The following PSPC1 variants were observed in gnomAD, a reference collection of about 807,000 sequenced individuals.
The protein encoded by PSPC1 is paraspeckle protein 1.
Under a neutral mutation model 51.6 loss-of-function variants are expected in PSPC1, and 14 were observed. The ratio of observed to expected loss-of-function variants is 0.27; its 90% CI spans 0.18 to 0.42. The LOEUF (loss-of-function observed/expected upper bound fraction) is 0.42, where lower values mean the gene tolerates loss of function less well. Among genes scored for constraint, PSPC1 ranks in the 10% least tolerant of loss-of-function variants. The pLI, the probability that PSPC1 is intolerant of heterozygous loss-of-function variation, is 1.00. For synonymous variants in PSPC1, 193 were observed against 231.9 expected, an observed-to-expected ratio of 0.83 and a Z score of 1.53; for missense variants, 406 against 701.1, an observed-to-expected ratio of 0.58 and a Z score of 4.75.
chr13:19,722,741 C>G (rs1246382412), intron 6 of PSPC1, among the ~76,000 whole-genome samples: 1 of 152,048 alleles, frequency 6.6e-6, no homozygotes, highest in Non-Finnish European at 1.5e-5. Flanking sequence ...TTGCCATGAG[C>G]TGAGATCGCG....
chr13:19,738,905 C>CAAAA (rs35177083), intron 5 of PSPC1, among the ~76,000 whole-genome samples: 1 of 112,056 alleles, frequency 8.9e-6, no homozygotes, highest in Non-Finnish European at 1.7e-5. Flanking sequence ...GACTCCATCT[C>CAAAA]AAAAAAAAAA....
chr13:19,719,703 T>C (rs1882538157), intron 6 of PSPC1, among the ~76,000 whole-genome samples: 1 of 152,246 alleles, frequency 6.6e-6, no homozygotes, highest in African/African-American at 2.4e-5. Flanking sequence ...TTCAACTGAA[T>C]GTGTAGCAAA....
intron 6 of PSPC1, among the ~76,000 whole-genome samples, chr13:19,727,166 G>C (rs527297468): frequency 6.6e-6 from 1 of 152,310 alleles, no homozygotes; most frequent in African/African-American, 2.4e-5. Flanking sequence ...AGCCAAGGCG[G>C]GCAGATCACC....
intron 6 of PSPC1, among the ~76,000 whole-genome samples, chr13:19,693,653 G>C (rs973215471): frequency 6.6e-6 from 1 of 152,136 alleles, no homozygotes; most frequent in Non-Finnish European, 1.5e-5. Context: ...GTTATGGATA[G>C]TATCAAGGTG....
chr13:19,697,736 T>C (rs1879427133), downstream of PSPC1, among the ~76,000 whole-genome samples: 1 of 152,154 alleles, frequency 6.6e-6, no homozygotes, highest in Non-Finnish European at 1.5e-5. Flanking sequence ...AGAATGACTA[T>C]GTAGAATTTA....
At chr13:19,747,246 A>C (rs1232982564) in intron 4 of PSPC1, among the ~76,000 whole-genome samples, 2 of 152,254 alleles carry the variant, frequency 1.3e-5, no homozygotes, top group Admixed American at 1.3e-4. Flanking sequence ...TTGTACCCAT[A>C]TAAAAGAATA....
intron 3 of PSPC1, among the ~76,000 whole-genome samples, chr13:19,752,381 G>A (rs1886643099): frequency 6.6e-6 from 1 of 151,570 alleles, no homozygotes; most frequent in Non-Finnish European, 1.5e-5. Context: ...CCAAATAAAG[G>A]GCTATGAATA....
chr13:19,698,411 T>C (rs567177538), downstream of PSPC1, among the ~76,000 whole-genome samples: 3 of 152,128 alleles, frequency 2.0e-5, no homozygotes, highest in Non-Finnish European at 4.4e-5. Flanking sequence ...TCCACTTATA[T>C]TACTATCAAC....
chr13:19,735,860 C>T (rs1364976373), intron 5 of PSPC1, among the ~76,000 whole-genome samples: 1 of 151,970 alleles, frequency 6.6e-6, no homozygotes, highest in Non-Finnish European at 1.5e-5. Flanking sequence ...TCCCCTCTGT[C>T]ACCCAGGCTG....
intron 5 of PSPC1, 34 bp downstream of exon 5, chr13:19,741,531 A>G: frequency 7.0e-7 from 1 of 1,421,308 alleles, no homozygotes; most frequent in Non-Finnish European, 9.8e-7. Context: ...AATAAGACAT[A>G]CAATTCATGT....
At chr13:19,691,223 GA>G (rs1050208743) in intron 6 of PSPC1, among the ~76,000 whole-genome samples, 6 of 152,254 alleles carry the variant, frequency 3.9e-5, no homozygotes, top group Admixed American at 3.3e-4. Flanking sequence ...TAAAGATGGG[GA>G]AAAAAAGTAG....
intron 6 of PSPC1, 66 bp downstream of exon 6, chr13:19,730,173 C>T: frequency 7.5e-7 from 1 of 1,342,128 alleles, no homozygotes; most frequent in Non-Finnish European, 1.1e-6. Flanking sequence ...AAATCTAAAG[C>T]ATTCTAAATA....
rs1593767673 is a variant in PSPC1 at position 19,771,017 on chromosome 13, C to A, written c.674+1225G>T. On this transcript the variant is annotated intron_variant, in intron 2 of 8. Coordinates refer to ENST00000338910, the MANE Select transcript of PSPC1 (RefSeq NM_001354909.2). ...AGACAGGGTCTCACTGCAACTTTGACCTCCTGAGCTCAAGTGATCCTCCCA... is the reference window on the plus strand; with the variant it reads ...AGACAGGGTCTCACTGCAACTTTGAACTCCTGAGCTCAAGTGATCCTCCCA... Among the ~76,000 whole-genome samples, 2 of 152,144 alleles carry A rather than the reference C, an allele frequency of 1.3e-5. 1 individual carries two copies. Among genetic ancestry groups the A allele is most frequent in the East Asian group, 3.9e-4 (2 of 5,186 alleles).
At chr13:19,716,650 T>A (rs1191251232) in intron 6 of PSPC1, among the ~76,000 whole-genome samples, 2 of 152,106 alleles carry the variant, frequency 1.3e-5, no homozygotes, top group Non-Finnish European at 2.9e-5. Context: ...AACATTTAAA[T>A]CCACTAAAAA....
chr13:19,779,329 T>G (rs1257949159), intron 1 of PSPC1, among the ~76,000 whole-genome samples: 5 of 87,406 alleles, frequency 5.7e-5, no homozygotes, highest in Non-Finnish European at 7.3e-5. Context: ...GGGAGGGACG[T>G]GGGGGGTCAG....
intron 4 of PSPC1, among the ~76,000 whole-genome samples, chr13:19,747,821 CATG>C (rs1886149632): frequency 6.6e-6 from 1 of 152,116 alleles, no homozygotes; most frequent in South Asian, 2.1e-4. Flanking sequence ...TTTCTCCTTC[CATG>C]ATATGTCATG....
chr13:19,696,223 C>A (rs1046983187), intron 6 of PSPC1, among the ~76,000 whole-genome samples: 3 of 152,040 alleles, frequency 2.0e-5, no homozygotes, highest in African/African-American at 7.2e-5. Context: ...CAGAGAGTCC[C>A]CAGGTGATAT....
downstream of PSPC1, among the ~76,000 whole-genome samples, chr13:19,674,036 C>T (rs1876338465): frequency 6.6e-6 from 1 of 152,180 alleles, no homozygotes; most frequent in Admixed American, 6.5e-5. Flanking sequence ...CAGTTCGTGG[C>T]CTAGGACATA....
intron 7 of PSPC1, among the ~76,000 whole-genome samples, chr13:19,676,726 T>A (rs1393530863): frequency 6.6e-6 from 1 of 152,144 alleles, no homozygotes; most frequent in Non-Finnish European, 1.5e-5. Flanking sequence ...GACACAATAA[T>A]GTTTAGTATC....
Sources: gnomAD v4.1 joint callset for allele counts (sites outside exome capture counted in the v4.1 genomes callset) on GRCh38, gnomAD v4.1.1 for gene constraint, MANE v1.5 for transcripts, NCBI Gene and HGNC (gene_info 2026-07-23, HGNC 2026-07-21) for gene names.